DPH6: variants seen among roughly 807,000 people sequenced by gnomAD.
The protein encoded by DPH6 is diphthamine biosynthesis 6, also known as diphthine--ammonia ligase.
A neutral mutation model predicts 38.2 loss-of-function variants in DPH6; 33 were observed. That is an observed-to-expected ratio of 0.86 (90% CI 0.65 to 1.15). The LOEUF (loss-of-function observed/expected upper bound fraction) is 1.15, where lower values mean the gene tolerates loss of function less well. Among genes scored for constraint, DPH6 ranks in the 50% most tolerant of loss-of-function variants. DPH6 has a pLI of 0.00. For synonymous variants in DPH6, 108 were observed against 103.0 expected (o/e 1.05, Z -0.30); for missense variants, 325 against 320.0 (o/e 1.02, Z -0.12).
At chr15:35,296,119 T>A (rs891102313) in intron 3 of DPH6, among the ~76,000 whole-genome samples, 2 of 151,976 alleles carry the variant, frequency 1.3e-5, no homozygotes, top group African/African-American at 4.8e-5. Context: ...TTTTGTATTT[T>A]TAGTAGAGAT....
intron 3 of DPH6, among the ~76,000 whole-genome samples, chr15:35,360,428 G>A (rs570070980): frequency 4.2e-4 from 64 of 152,298 alleles, no homozygotes; most frequent in Non-Finnish European, 8.2e-4. Context: ...CATTAGCAGG[G>A]TCTTAATAGG....
chr15:35,347,297 GT>G (rs1566876290), intron 3 of DPH6, among the ~76,000 whole-genome samples: 1 of 151,974 alleles, frequency 6.6e-6, no homozygotes, highest in Non-Finnish European at 1.5e-5. Context: ...GTTTATTCAT[GT>G]TGTCATATAT....
chr15:35,390,189 G>A (rs1595523221), intron 6 of DPH6, among the ~76,000 whole-genome samples: 2 of 152,300 alleles, frequency 1.3e-5, no homozygotes, highest in Non-Finnish European at 2.9e-5. Flanking sequence ...CTTCTGGCTT[G>A]TAGAATTCTG....
chr15:35,248,782 C>G (rs149131761), intron 3 of DPH6, among the ~76,000 whole-genome samples: 7 of 152,242 alleles, frequency 4.6e-5, no homozygotes, highest in Non-Finnish European at 7.3e-5. Flanking sequence ...ACTTGACAAA[C>G]AATCTGACAT....
At chr15:35,270,416 G>C (rs936879992) in intron 3 of DPH6, among the ~76,000 whole-genome samples, 2 of 152,180 alleles carry the variant, frequency 1.3e-5, no homozygotes, top group Non-Finnish European at 2.9e-5. Flanking sequence ...ATGGTAAATA[G>C]AACCATCTGG....
At chr15:35,265,036 T>C (rs758654242) in intron 3 of DPH6, among the ~76,000 whole-genome samples, 10 of 152,210 alleles carry the variant, frequency 6.6e-5, no homozygotes, top group Non-Finnish European at 1.3e-4. Context: ...GAAACAGTTA[T>C]GTCATTCTAG....
chr15:35,378,952 A>G (rs1223764623), intron 7 of DPH6, among the ~76,000 whole-genome samples: 1 of 152,172 alleles, frequency 6.6e-6, no homozygotes, highest in Non-Finnish European at 1.5e-5. Flanking sequence ...CTTCACATGT[A>G]CCCTAGAACT....
chr15:35,216,855 G>A (rs905297666), downstream of DPH6, among the ~76,000 whole-genome samples: 1 of 152,140 alleles, frequency 6.6e-6, no homozygotes, highest in African/African-American at 2.4e-5. Context: ...GACATAGAGG[G>A]CCCTTATATC....
At chr15:35,279,064 A>ATATATATATATATATATATAT (rs1334725926) in intron 3 of DPH6, among the ~76,000 whole-genome samples, 4 of 124,032 alleles carry the variant, frequency 3.2e-5, no homozygotes, top group African/African-American at 1.4e-4. Context: ...AAAAAAAAAA[A>ATATATATATATATATATATAT]AAAAATATAT....
At chr15:35,424,528 A>C (rs1264644749) in intron 5 of DPH6, among the ~76,000 whole-genome samples, 1 of 151,032 alleles carries the variant, frequency 6.6e-6, no homozygotes, top group African/African-American at 2.4e-5. Context: ...TCTTCTTTCT[A>C]ATTTGAATGT....
At chr15:35,205,805 A>T in the DPH6 span, among the ~76,000 whole-genome samples, 1 of 152,112 alleles carries the variant, frequency 6.6e-6, no homozygotes, top group Admixed American at 6.5e-5. Flanking sequence ...TACATGTAAA[A>T]ACCTTTAGTT....
At chr15:35,158,558 G>A in the DPH6 span, among the ~76,000 whole-genome samples, 1 of 151,868 alleles carries the variant, frequency 6.6e-6, no homozygotes, top group Non-Finnish European at 1.5e-5. Context: ...TATTATATAA[G>A]AAAAACTAGA....
intron 3 of DPH6, among the ~76,000 whole-genome samples, chr15:35,260,868 T>A (rs1054061662): frequency 6.6e-6 from 1 of 152,214 alleles, no homozygotes; most frequent in East Asian, 1.9e-4. Flanking sequence ...GACATCAATA[T>A]GATCTGTCTA....
Position 35,384,057 on chromosome 15 carries a change from G to C in DPH6, c.568-2141C>G, listed in dbSNP as rs137876234. Among the ~76,000 whole-genome samples the C allele has an allele frequency of 4.4e-3, 665 of 152,244 alleles. 2 individuals are homozygous for C. Among genetic ancestry groups the C allele is most frequent in the Middle Eastern group, 0.01 (3 of 294 alleles). On this transcript the variant is annotated intron_variant, in intron 6 of 8. Transcript: ENST00000256538. ...TTTCTATTTACCTTTCTAAAAGTTA[G>C]TAGTACTAATATTTACACTGTTCAT...
chr15:35,296,034 G>A (rs2052012445), intron 3 of DPH6, among the ~76,000 whole-genome samples: 1 of 151,816 alleles, frequency 6.6e-6, no homozygotes, highest in Admixed American at 6.6e-5. Flanking sequence ...CTGCCTCCTG[G>A]GTTCACGCCA....
intron 3 of DPH6, among the ~76,000 whole-genome samples, chr15:35,350,876 G>A (rs1389772567): frequency 1.3e-5 from 2 of 152,102 alleles, no homozygotes; most frequent in Admixed American, 6.6e-5. Context: ...CATTCTGTGG[G>A]CATTTTAGAA....
the DPH6 span, among the ~76,000 whole-genome samples, chr15:35,167,692 G>C: frequency 1.3e-5 from 2 of 151,840 alleles, no homozygotes; most frequent in Admixed American, 6.6e-5. Flanking sequence ...ATATATAGCA[G>C]ATAATGATCT....
intron 5 of DPH6, among the ~76,000 whole-genome samples, chr15:35,433,500 T>A (rs1595558807): frequency 6.6e-6 from 1 of 152,284 alleles, no homozygotes; most frequent in Non-Finnish European, 1.5e-5. Flanking sequence ...TACACTGGGG[T>A]TGGCAAGTAT....
chr15:35,406,791 G>A (rs1451538696), intron 6 of DPH6, among the ~76,000 whole-genome samples: 1 of 151,912 alleles, frequency 6.6e-6, no homozygotes, highest in African/African-American at 2.4e-5. Context: ...GAGGGGCTTG[G>A]GGACATTTAA....
Sources: gnomAD v4.1 joint callset for allele counts (sites outside exome capture counted in the v4.1 genomes callset) on GRCh38, gnomAD v4.1.1 for gene constraint, MANE v1.5 for transcripts, NCBI Gene and HGNC (gene_info 2026-07-23, HGNC 2026-07-21) for gene names.